Variants in G3BP1 observed in about 807,000 individuals in gnomAD.
G3BP1 encodes the protein G3BP stress granule assembly factor 1.
In G3BP1, 35 loss-of-function variants were observed where a neutral mutation model predicts 58.6. That is an observed-to-expected ratio of 0.60 (90% CI 0.46 to 0.79). The LOEUF (loss-of-function observed/expected upper bound fraction) is 0.79. Among genes scored for constraint, G3BP1 ranks in the 30% least tolerant of loss-of-function variants. The pLI is 0.00. For missense variants in G3BP1, 523 were observed against 580.8 expected (o/e 0.90, Z 1.02); for synonymous variants, 191 against 195.4 (o/e 0.98, Z 0.19).
At chr5:151,793,305 C>A (rs1367583181) in intron 4 of G3BP1, among the ~76,000 whole-genome samples, 1 of 152,048 alleles carries the variant, frequency 6.6e-6, no homozygotes, top group Non-Finnish European at 1.5e-5. Flanking sequence ...GATGGGGTTT[C>A]ACCATATTGG....
At chr5:151,781,637 A>G (rs1200078978) in intron 1 of G3BP1, among the ~76,000 whole-genome samples, 1 of 152,236 alleles carries the variant, frequency 6.6e-6, no homozygotes, top group Non-Finnish European at 1.5e-5. Flanking sequence ...CTTGATCTGT[A>G]CCATAGGTTG....
intron 1 of G3BP1, among the ~76,000 whole-genome samples, chr5:151,782,849 CTTTTT>C (rs796501774): frequency 4.1e-5 from 3 of 73,922 alleles, no homozygotes; most frequent in Admixed American, 3.3e-4. Context: ...TGTGACTCAT[CTTTTT>C]TTTTTTTTTT....
At chr5:151,791,982 G>T in intron 4 of G3BP1, 1 of 405,816 alleles carries the variant, frequency 2.5e-6, no homozygotes, top group South Asian at 1.8e-5. Flanking sequence ...ATTTGTAAAT[G>T]AAGGATGGGA....
rs774689717 is a variant in G3BP1, at chr5:151,795,511, A to G, written c.475A>G (p.Arg159Gly). The change falls in exon 6 of 12, where the codon AGA (arginine) becomes GGA (glycine). Residue 159 changes from arginine to glycine, a missense_variant. By Grantham distance (125) the Arg-to-Gly change is moderately radical. Transcript: ENST00000356245. ...AGAAGAAGTAGAGGAACCTGAAGAA[A>G]GACAGCAAACACCTGAGGTGGTACC... Reference protein sequence around the residue: ...SEEEVEEPEERQQTPEVVPDD... With the variant: ...SEEEVEEPEEGQQTPEVVPDD... 9 of 1,603,352 alleles carry G rather than the reference A, an allele frequency of 5.6e-6. No homozygotes were observed. The Admixed American group carries it at 1.5e-4, about 27-fold the overall frequency.
intron 1 of G3BP1, among the ~76,000 whole-genome samples, chr5:151,778,960 G>A (rs901893623): frequency 1.3e-5 from 2 of 151,850 alleles, no homozygotes; most frequent in Non-Finnish European, 2.9e-5. Context: ...GAGAAACTGA[G>A]GCATGAGAAT....
Position 151,799,346 on chromosome 5 carries a change from A to G in G3BP1, c.843+33A>G, listed in dbSNP as rs17119588. 5.6e-3 allele frequency: 5,842 copies of G among 1,039,134 alleles called. 204 individuals carry two copies. In the African/African-American group the frequency reaches 0.077, roughly 14 times the overall value. The allele number at this position is 1,039,134 out of a possible 1,614,324, so 64.4% of individuals were successfully genotyped here. ...CCTAATAAAACTTGTACATTAGGCA[A>G]ATTTACTTCTATTGTGGTAATTTGA... On this transcript the variant is annotated intron_variant, in intron 8 of 11. Coordinates refer to ENST00000356245, the MANE Select transcript of G3BP1 (RefSeq NM_005754.3).
intron 4 of G3BP1, among the ~76,000 whole-genome samples, chr5:151,793,022 T>C (rs989986753): frequency 6.6e-6 from 1 of 152,208 alleles, no homozygotes; most frequent in African/African-American, 2.4e-5. Context: ...GAGCAATCTT[T>C]TTCAGGCTGC....
At chr5:151,778,823 G>C (rs1007477124) in intron 1 of G3BP1, among the ~76,000 whole-genome samples, 1 of 151,936 alleles carries the variant, frequency 6.6e-6, no homozygotes, top group Non-Finnish European at 1.5e-5. Context: ...TTGGGAGGCC[G>C]AGGCAGGTGG....
At position 151,800,762 on chromosome 5, in the gene G3BP1, T is replaced by C; in HGVS notation, c.1087T>C (p.Tyr363His). ...CTGAGAATGTGTTTCACTTGCAGGT[T>C]ATGGAAACGTGGTGGAGTTGCGCAT... ...KSELKDFFQSYGNVVELRINS... is the reference protein window; with the variant it reads ...KSELKDFFQSHGNVVELRINS... The change falls in exon 11 of 12, where the codon TAT becomes CAT. Residue 363 changes from tyrosine to histidine, a missense_variant and splice_region_variant. Physicochemically the swap from Tyr to His is moderately conservative, Grantham distance 83 (BLOSUM62 2). This residue lies in a region of G3BP1 where 125 missense variants were observed against 181.7 expected (regional missense o/e 0.69). Coordinates refer to ENST00000356245, the MANE Select transcript of G3BP1 (RefSeq NM_005754.3). 1 of 1,595,716 alleles carries C rather than the reference T, an allele frequency of 6.3e-7. No homozygotes were observed. Among genetic ancestry groups the C allele is most frequent in the Non-Finnish European group, 8.6e-7 (1 of 1,163,310 alleles).
chr5:151,776,632 C>A (rs1762375811), intron 1 of G3BP1, among the ~76,000 whole-genome samples: 1 of 151,792 alleles, frequency 6.6e-6, no homozygotes, highest in African/African-American at 2.4e-5. Context: ...TTTGTGTATT[C>A]TTCATGTTTT....
chr5:151,800,963 G>A (rs977340101), intron 11 of G3BP1, 94 bp downstream of exon 11: 1 of 637,228 alleles, frequency 1.6e-6, no homozygotes. Context: ...TTTATGTAAA[G>A]TGCAGTTTAT....
intron 1 of G3BP1, among the ~76,000 whole-genome samples, chr5:151,779,746 T>C (rs1228129549): frequency 6.6e-6 from 1 of 152,210 alleles, no homozygotes; most frequent in Non-Finnish European, 1.5e-5. Flanking sequence ...CTGACACTAT[T>C]AATAGTAGTT....
intron 4 of G3BP1, 170 bp downstream of exon 4, chr5:151,791,232 C>A: frequency 1.8e-6 from 1 of 554,060 alleles, no homozygotes; most frequent in East Asian, 2.9e-5. Context: ...CACCACTTGC[C>A]CACATGTGTA....
At chr5:151,794,277 TG>T in intron 5 of G3BP1, 28 bp downstream of exon 5, 1 of 1,376,716 alleles carries the variant, frequency 7.3e-7, no homozygotes, top group Non-Finnish European at 1.0e-6. Context: ...TTAAATTACT[TG>T]TCTAAATTTT....
rs374377650 is a variant in G3BP1 at position 151,791,031 on chromosome 5, G to C, written c.320G>C (p.Arg107Thr). The change falls in exon 4 of 12, where the codon AGA becomes ACA. Residue 107 changes from arginine (R) to threonine (T), a missense_variant. Physicochemically the swap from Arg to Thr is moderately conservative, Grantham distance 71 (BLOSUM62 -1). This residue lies in a region of G3BP1 where 398 missense variants were observed against 399.1 expected (regional missense o/e 1.00). Transcript: ENST00000356245. Reference protein sequence around the residue: ...LLSNNNQALRRFMQTFVLAPE... With the variant: ...LLSNNNQALRTFMQTFVLAPE... ...TCTAACAACAACCAGGCTTTGAGGA[G>C]ATTCATGCAAACGTTTGTCCTTGCT... is the stretch of plus-strand genomic sequence containing the variant. 6.2e-7 allele frequency: 1 copy of C among 1,613,744 alleles called. No homozygotes were observed. The highest frequency in any genetic ancestry group is 1.7e-5 in the Admixed American group (1 of 59,998).
Position 151,771,992 on chromosome 5 carries a change from G to C in G3BP1, c.-94G>C, listed in dbSNP as rs1257481450. On this transcript the variant is annotated 5_prime_UTR_variant, in exon 1 of 12. Coordinates refer to ENST00000356245, the MANE Select transcript of G3BP1 (RefSeq NM_005754.3). ...TGCGTGAGGGGTTTGTACTATCCTC[G>C]GTGCTGTGGTGCAGAGCTAGTTCCT... The C allele has an allele frequency of 3.3e-5, 5 of 152,372 alleles. No homozygotes were observed. Among genetic ancestry groups the C allele is most frequent in the African/African-American group, 1.2e-4 (5 of 41,444 alleles). 9.4% of individuals were successfully genotyped at this position (152,372 alleles called of 1,614,324 possible). A position where few individuals can be genotyped will look rare whatever the true frequency, so the allele number is the denominator to read the frequency against.
chr5:151,799,557 C>T (rs1762814831), intron 8 of G3BP1, among the ~76,000 whole-genome samples: 1 of 151,936 alleles, frequency 6.6e-6, no homozygotes. Context: ...TTGTGGCATG[C>T]ATCTGTAGTC....
chr5:151,798,960 CA>C (rs914494676), intron 7 of G3BP1, among the ~76,000 whole-genome samples: 14 of 146,712 alleles, frequency 9.5e-5, no homozygotes, highest in East Asian at 3.9e-4. Flanking sequence ...GATTCTGTCT[CA>C]AAAAAAAAAG....
At chr5:151,784,012 CG>C (rs1480911246) in intron 1 of G3BP1, among the ~76,000 whole-genome samples, 1 of 152,118 alleles carries the variant, frequency 6.6e-6, no homozygotes, top group Admixed American at 6.5e-5. Flanking sequence ...CCGCTCGCCT[CG>C]GCCTCCGAAA....
Sources: allele counts gnomAD v4.1 joint callset (sites outside exome capture counted in the v4.1 genomes callset), GRCh38; gene constraint gnomAD v4.1.1; regional missense constraint gnomAD v4.1.1; transcripts MANE v1.5; gene names NCBI Gene and HGNC (gene_info 2026-07-23, HGNC 2026-07-21).